Variants in SEMA5B observed in about 807,000 individuals in gnomAD.
SEMA5B encodes the protein semaphorin-5B.
SEMA5B carries 66 observed loss-of-function variants against 135.0 expected under a neutral mutation model. The observed-to-expected ratio is 0.49, with a 90% confidence interval of 0.40 to 0.60. SEMA5B has a LOEUF of 0.60. Among genes scored for constraint, SEMA5B ranks in the 20% least tolerant of loss-of-function variants. SEMA5B has a pLI of 0.00. For missense variants in SEMA5B, 1,501 were observed against 1,566.3 expected (o/e 0.96, Z 0.70); for synonymous variants, 690 against 639.5 (o/e 1.08, Z -1.19).
chr3:122,924,052 G>A (rs901319330), intron 9 of SEMA5B, among the ~76,000 whole-genome samples: 2 of 151,534 alleles, frequency 1.3e-5, no homozygotes, highest in African/African-American at 4.8e-5. Context: ...TCCATGGACC[G>A]TGGTAAGAGA....
chr3:122,925,133 C>G (rs1440593870), intron 9 of SEMA5B, among the ~76,000 whole-genome samples: 1 of 152,138 alleles, frequency 6.6e-6, no homozygotes, highest in Admixed American at 6.5e-5. Context: ...TAGCCTGGCC[C>G]TCATCCAGTG....
chr3:122,933,466 A>G (rs1004912219), intron 5 of SEMA5B, among the ~76,000 whole-genome samples: 4 of 151,794 alleles, frequency 2.6e-5, no homozygotes, highest in Non-Finnish European at 5.9e-5. Flanking sequence ...TTTTTTCTTT[A>G]GGCTCTGGAA....
At chr3:122,945,001 G>A (rs1939721756) in intron 3 of SEMA5B, among the ~76,000 whole-genome samples, 1 of 151,222 alleles carries the variant, frequency 6.6e-6, no homozygotes, top group South Asian at 2.1e-4. Flanking sequence ...GATAGAGAGA[G>A]AGGCAGAGAG....
intron 1 of SEMA5B, among the ~76,000 whole-genome samples, chr3:122,972,230 C>T (rs576507832): frequency 6.6e-6 from 1 of 152,336 alleles, no homozygotes; most frequent in South Asian, 2.1e-4. Context: ...ACACTGGTCT[C>T]CCCTGCTTTT....
chr3:122,939,954 G>T (rs921514237), intron 4 of SEMA5B, among the ~76,000 whole-genome samples: 1 of 152,000 alleles, frequency 6.6e-6, no homozygotes, highest in African/African-American at 2.4e-5. Flanking sequence ...ATCTCTCCTG[G>T]CTCCACATCC....
Position 122,909,973 on chromosome 3 carries a change from A to C in SEMA5B, c.*170T>G, listed in dbSNP as rs2107599216. On this transcript the variant is annotated 3_prime_UTR_variant, in exon 23 of 23. Transcript: ENST00000357599. Reference sequence around the variant, plus strand: ...CAGCCTGAAACCAGCCCTTTCCCCCATGGTCAATGCCAGCCAGAGCTCTCT... The same window carrying C: ...CAGCCTGAAACCAGCCCTTTCCCCCCTGGTCAATGCCAGCCAGAGCTCTCT... The C allele has an allele frequency of 1.0e-5, 7 of 672,270 alleles. No homozygotes were observed. The East Asian group carries it at 1.7e-4, about 16-fold the overall frequency. 41.6% of individuals were successfully genotyped at this position (672,270 alleles called of 1,614,324 possible).
chr3:122,911,938 G>A lies in SEMA5B; in HGVS notation c.3028C>T (p.Pro1010Ser), dbSNP rs1323029599. ...AGNSSQSRPC[P>S]YSEIPVILPA... ...TACCTACCGGGAATCTCGCTGTAGG[G>A]GCAGGGGCGGCTCTGGCTGCTGTTT... The change falls in exon 20 of 23, where the codon CCC becomes TCC. Residue 1010 changes from proline to serine, a missense_variant. Transcript: ENST00000357599. 3.7e-6 allele frequency: 6 copies of A among 1,605,276 alleles called. No individual in the cohort carries two copies. Among genetic ancestry groups the A allele is most frequent in the East Asian group, 2.2e-5 (1 of 44,614 alleles).
chr3:122,913,328 G>A lies in SEMA5B; in HGVS notation c.2377C>T (p.Arg793Trp), dbSNP rs1232583718. 7 of 1,573,854 alleles carry A rather than the reference G, an allele frequency of 4.4e-6. No homozygotes were observed. Among genetic ancestry groups the A allele is most frequent in the Non-Finnish European group, 6.0e-6 (7 of 1,168,436 alleles). ...LPVNVTQGGA[R>W]QEQRFRFTCR... is the part of the protein sequence containing the mutation. The stretch of plus-strand genomic sequence containing the variant: ...GTGAAGCGGAACCGCTGCTCCTGCC[G>A]TGCCCCGCCCTGCGTCACGTTCACG... Residue 793 changes from arginine to tryptophan, a missense_variant, in exon 17 of 23, where the codon CGG becomes TGG. By Grantham distance (101) the Arg-to-Trp change is moderately radical (BLOSUM62 -3). Around this residue, in one of 2 missense-constraint regions of SEMA5B, gnomAD observed 927 missense variants for 881.6 expected, o/e 1.05. Transcript: ENST00000357599.
intron 1 of SEMA5B, among the ~76,000 whole-genome samples, chr3:123,015,437 G>C (rs1428520896): frequency 6.6e-6 from 1 of 152,186 alleles, no homozygotes; most frequent in African/African-American, 2.4e-5. Context: ...CGGGTATGCT[G>C]GTCAGGCCTC....
chr3:122,915,061 CACGG>C lies in SEMA5B; in HGVS notation c.1988+375_1988+378del, dbSNP rs556080314. ...GCTTAGAGTGGTTAGGTGGCTAGGC[CACGG>C]CCACACCTCCAGACAGTGGCAATCC... On this transcript the variant is annotated intron_variant, in intron 14 of 22. Coordinates refer to ENST00000357599, the MANE Select transcript of SEMA5B (RefSeq NM_001031702.4). Among the ~76,000 whole-genome samples, 23 of 152,266 alleles carry C rather than the reference CACGG, an allele frequency of 1.5e-4. No homozygotes were observed. The South Asian group carries it at 4.8e-3, about 32-fold the overall frequency.
chr3:122,935,304 G>A (rs1939206360), intron 5 of SEMA5B, among the ~76,000 whole-genome samples: 1 of 152,138 alleles, frequency 6.6e-6, no homozygotes, highest in Non-Finnish European at 1.5e-5. Context: ...TCTCCTGCCT[G>A]GAAGTGGGGC....
At chr3:122,994,907 A>G (rs1298587838) in intron 1 of SEMA5B, among the ~76,000 whole-genome samples, 2 of 152,166 alleles carry the variant, frequency 1.3e-5, no homozygotes, top group African/African-American at 2.4e-5. Flanking sequence ...TCTTCTACTG[A>G]ATCCTGGGAA....
chr3:122,943,562 G>T (rs1053536982), intron 3 of SEMA5B, 27 bp from the exon 4 acceptor site: 3 of 1,520,630 alleles, frequency 2.0e-6, no homozygotes, highest in Non-Finnish European at 2.7e-6. Flanking sequence ...CAACCCTGTG[G>T]TTACTGTTGG....
At chr3:122,965,836 G>C (rs899905525) in intron 1 of SEMA5B, among the ~76,000 whole-genome samples, 3 of 152,202 alleles carry the variant, frequency 2.0e-5, no homozygotes, top group South Asian at 4.1e-4. Flanking sequence ...GGATGGCCCA[G>C]GACCCAGGAT....
chr3:122,962,078 A>G (rs1034668938), intron 1 of SEMA5B, among the ~76,000 whole-genome samples: 16 of 152,318 alleles, frequency 1.1e-4, no homozygotes, highest in African/African-American at 3.1e-4. Context: ...CATCCAGGAT[A>G]ATCTCCCTAC....
At chr3:122,939,389 A>C in intron 5 of SEMA5B, 36 bp downstream of exon 5, 1 of 1,557,978 alleles carries the variant, frequency 6.4e-7, no homozygotes. Context: ...GGAATAGGGG[A>C]AATTATAGGA....
At position 122,910,076 on chromosome 3, in the gene SEMA5B, A is replaced by G; in HGVS notation, c.*67T>C. 1 of 1,546,242 alleles carries G rather than the reference A, an allele frequency of 6.5e-7. No individual in the cohort carries two copies. The highest frequency in any genetic ancestry group is 2.3e-5 in the East Asian group (1 of 44,164). On this transcript the variant is annotated 3_prime_UTR_variant, in exon 23 of 23. Coordinates refer to ENST00000357599, the MANE Select transcript of SEMA5B (RefSeq NM_001031702.4). ...AGAGGGAGAAAACCAAACTGGCTCC[A>G]CTGTCCCATCTCCATCTGCTCTGTG...
chr3:122,940,153 C>T (rs1022317508), intron 4 of SEMA5B, among the ~76,000 whole-genome samples: 1 of 152,224 alleles, frequency 6.6e-6, no homozygotes, highest in Non-Finnish European at 1.5e-5. Context: ...GACTTATCAA[C>T]CTCAAACAGT....
At chr3:122,998,648 G>A (rs904827160) in intron 1 of SEMA5B, among the ~76,000 whole-genome samples, 8 of 152,174 alleles carry the variant, frequency 5.3e-5, no homozygotes, top group Non-Finnish European at 1.0e-4. Context: ...CAGTCAGCTA[G>A]CTACCCAGCT....
Sources: allele counts gnomAD v4.1 joint callset (sites outside exome capture counted in the v4.1 genomes callset), GRCh38; gene constraint gnomAD v4.1.1; regional missense constraint gnomAD v4.1.1; transcripts MANE v1.5; gene names NCBI Gene and HGNC (gene_info 2026-07-23, HGNC 2026-07-21).